CACNA1B: variants seen among roughly 807,000 people sequenced by gnomAD.
The protein encoded by CACNA1B is calcium voltage-gated channel subunit alpha1 B, also known as voltage-dependent N-type calcium channel subunit alpha-1B.
In CACNA1B, 70 loss-of-function variants were observed where a neutral mutation model predicts 247.2. The observed-to-expected ratio is 0.28, with a 90% confidence interval of 0.23 to 0.35. The LOEUF (loss-of-function observed/expected upper bound fraction) is 0.35, where lower values mean the gene tolerates loss of function less well. CACNA1B is among the 10% of genes least tolerant of loss of function. The probability of loss-of-function intolerance (pLI) is 1.00; values close to 1 mark genes in which losing one functional copy is unlikely to be tolerated. For synonymous variants in CACNA1B, 1,231 were observed against 1,294.4 expected (o/e 0.95, Z 1.05); for missense variants, 2,367 against 3,197.4 (o/e 0.74, Z 6.26).
At chr9:137,892,804 T>C (rs1335603449) in intron 3 of CACNA1B, among the ~76,000 whole-genome samples, 1 of 152,218 alleles carries the variant, frequency 6.6e-6, no homozygotes, top group Non-Finnish European at 1.5e-5. Context: ...CCTGTTCCCA[T>C]CACGGGCCTA....
intron 44 of CACNA1B, among the ~76,000 whole-genome samples, chr9:138,119,596 C>T (rs570769012): frequency 1.6e-4 from 25 of 152,274 alleles, no homozygotes; most frequent in Admixed American, 1.4e-3. Flanking sequence ...GCCTCTCCTC[C>T]CTCTTAGGGT....
intron 12 of CACNA1B, among the ~76,000 whole-genome samples, chr9:137,980,865 A>G (rs1236443863): frequency 2.6e-5 from 4 of 152,162 alleles, no homozygotes; most frequent in East Asian, 1.9e-4. Flanking sequence ...GCAGTCTTCC[A>G]TGGTGTATAT....
At chr9:138,056,967 G>T (rs535517678) in intron 26 of CACNA1B, among the ~76,000 whole-genome samples, 14 of 122,898 alleles carry the variant, frequency 1.1e-4, no homozygotes, top group South Asian at 5.1e-4. Context: ...ACGGAGTCTC[G>T]CTCTGTTGCC....
At chr9:137,910,317 A>G (rs1167280233) in intron 3 of CACNA1B, among the ~76,000 whole-genome samples, 1 of 151,928 alleles carries the variant, frequency 6.6e-6, no homozygotes, top group Non-Finnish European at 1.5e-5. Context: ...ATTTGCAGAT[A>G]TTTTCTCCCT....
Position 138,072,272 on chromosome 9 carries a change from C to A in CACNA1B, c.4675-1216C>A, listed in dbSNP as rs549173586. Among the ~76,000 whole-genome samples the A allele has an allele frequency of 1.6e-4, 25 of 152,320 alleles. No homozygotes were observed. The highest frequency in any genetic ancestry group is 6.0e-4 in the African/African-American group (25 of 41,564). Reference sequence around the variant, plus strand: ...GAATCCTCAGCCACCCTGCCCCTGCCAGTGGAAGTGGCAGACCTAGGCAGA... The same window carrying A: ...GAATCCTCAGCCACCCTGCCCCTGCAAGTGGAAGTGGCAGACCTAGGCAGA... On this transcript the variant is annotated intron_variant, in intron 32 of 46. Coordinates refer to ENST00000371372, the MANE Select transcript of CACNA1B (RefSeq NM_000718.4). This position sits in a 1 kb window ranked among gnomAD's most constrained non-coding sequence, Gnocchi z 4.5.
At chr9:137,958,765 C>T (rs868713527) in intron 10 of CACNA1B, among the ~76,000 whole-genome samples, 2 of 152,154 alleles carry the variant, frequency 1.3e-5, no homozygotes. Flanking sequence ...TACAGGCCAA[C>T]CTTCGCCCTC....
intron 5 of CACNA1B, among the ~76,000 whole-genome samples, chr9:137,916,695 G>C (rs2133282389): frequency 6.6e-6 from 1 of 152,060 alleles, no homozygotes; most frequent in East Asian, 1.9e-4. Context: ...ATTGCTGGCA[G>C]TTTGGCTGTG....
intron 10 of CACNA1B, among the ~76,000 whole-genome samples, chr9:137,969,813 C>T (rs899727861): frequency 6.6e-6 from 1 of 152,164 alleles, no homozygotes; most frequent in Non-Finnish European, 1.5e-5. Context: ...TGGGCTTGTT[C>T]TGTGCACAGC....
intron 15 of CACNA1B, among the ~76,000 whole-genome samples, chr9:137,989,907 A>G (rs1418179269): frequency 6.6e-6 from 1 of 152,232 alleles, no homozygotes; most frequent in Non-Finnish European, 1.5e-5. Flanking sequence ...CAGAAATTGA[A>G]TAATTAGGTC....
rs1322304006 is a variant in CACNA1B at position 137,919,745 on chromosome 9, G to A, written c.966+2314G>A. 6.6e-6 allele frequency among the ~76,000 whole-genome samples: 1 copy of A among 152,248 alleles called. No individual in the cohort carries two copies. The highest frequency in any genetic ancestry group is 1.9e-4 in the East Asian group (1 of 5,198). ...AGATGGAAAGCTCAGTCCGTGTTGG[G>A]AGCAGGAGTGGGGGTGTGAGCAACA... On this transcript the variant is annotated intron_variant, in intron 6 of 46. Transcript: ENST00000371372. This position sits in a 1 kb window ranked among gnomAD's most constrained non-coding sequence, Gnocchi z 4.6.
At chr9:138,042,039 G>T (rs1959130703) in intron 20 of CACNA1B, among the ~76,000 whole-genome samples, 1 of 152,178 alleles carries the variant, frequency 6.6e-6, no homozygotes, top group African/African-American at 2.4e-5. Context: ...CCAACGTGCT[G>T]GGATTACAGG....
chr9:138,092,482 T>G, intron 36 of CACNA1B, among the ~76,000 whole-genome samples: 1 of 152,220 alleles, frequency 6.6e-6, no homozygotes, highest in Middle Eastern at 3.2e-3. Context: ...TATAGTTATC[T>G]CCCTTGTTCC....
chr9:138,023,346 G>A lies in CACNA1B; in HGVS notation c.2603G>A (p.Arg868Gln). 2.1e-6 allele frequency: 3 copies of A among 1,449,086 alleles called. No homozygotes were observed. Among genetic ancestry groups the A allele is most frequent in the Non-Finnish European group, 2.7e-6 (3 of 1,109,840 alleles). The allele number at this position is 1,449,086 out of a possible 1,614,324, so 89.8% of individuals were successfully genotyped here. A position where few individuals can be genotyped will look rare whatever the true frequency, so the allele number is the denominator to read the frequency against. ...DKTPAAGDQDRAEAPKAESGE... is the reference protein window; with the variant it reads ...DKTPAAGDQDQAEAPKAESGE... ...ACCCCCGCGGCGGGGGACCAGGACC[G>A]AGCAGAGGCCCCGAAGGCGGAGAGC... The change falls in exon 19 of 47, where the codon CGA becomes CAA. Residue 868 changes from arginine to glutamine, a missense_variant. Coordinates refer to ENST00000371372, the MANE Select transcript of CACNA1B (RefSeq NM_000718.4).
intron 31 of CACNA1B, 88 bp from the exon 32 acceptor site, chr9:138,069,670 T>C: frequency 1.0e-6 from 1 of 971,570 alleles, no homozygotes; most frequent in Non-Finnish European, 1.7e-6. Flanking sequence ...AACCCATGTC[T>C]CCGTCTGTAT....
In CACNA1B at chr9:138,012,778, G is replaced by A. The variant is rs1197475024; in HGVS notation, c.2161-351G>A. ...AAATGGAAATATCCAGGCAGTGGCT[G>A]GGTACCTGGGTTAGAGCTCAGAGTA... On this transcript the variant is annotated intron_variant, in intron 17 of 46. Coordinates refer to ENST00000371372, the MANE Select transcript of CACNA1B (RefSeq NM_000718.4). The surrounding 1 kb of genome is among the most constrained non-coding windows in gnomAD (Gnocchi z 4.2). Among the ~76,000 whole-genome samples the A allele has an allele frequency of 6.6e-6, 1 of 152,020 alleles. No homozygotes were observed. Among genetic ancestry groups the A allele is most frequent in the Non-Finnish European group, 1.5e-5 (1 of 67,996 alleles).
chr9:138,055,481 T>C (rs920763294), intron 26 of CACNA1B, among the ~76,000 whole-genome samples: 4 of 152,206 alleles, frequency 2.6e-5, no homozygotes, highest in African/African-American at 9.7e-5. Context: ...TCTTTTATGC[T>C]GAGTACTCTT....
At chr9:138,043,688 CG>C in intron 20 of CACNA1B, 85 bp from the exon 21 acceptor site, 4 of 1,512,976 alleles carry the variant, frequency 2.6e-6, no homozygotes, top group Non-Finnish European at 2.7e-6. Context: ...ACGCAAGTGC[CG>C]GGGGCATGGG....
chr9:138,038,467 T>C (rs1331605096), intron 20 of CACNA1B, among the ~76,000 whole-genome samples: 1 of 152,246 alleles, frequency 6.6e-6, no homozygotes, highest in Admixed American at 6.5e-5. Context: ...TCCAGGGGCT[T>C]CCTCTTCAGC....
At chr9:137,918,403 G>A (rs1253178328) in intron 6 of CACNA1B, among the ~76,000 whole-genome samples, 5 of 152,178 alleles carry the variant, frequency 3.3e-5, no homozygotes, top group Admixed American at 3.3e-4. Context: ...TAGTACTTGA[G>A]GGGCTGTGGA....
Sources: gnomAD v4.1 joint callset for allele counts (sites outside exome capture counted in the v4.1 genomes callset) on GRCh38, gnomAD v4.1.1 for gene constraint, Gnocchi (gnomAD v3.1) non-coding constraint, MANE v1.5 for transcripts, NCBI Gene and HGNC (gene_info 2026-07-23, HGNC 2026-07-21) for gene names.